The following MCTP1 variants were observed in gnomAD, a reference collection of about 807,000 sequenced individuals.
The protein encoded by MCTP1 is multiple C2 and transmembrane domain containing 1.
A neutral mutation model predicts 120.6 loss-of-function variants in MCTP1; 69 were observed. That is an observed-to-expected ratio of 0.57 (90% CI 0.47 to 0.70). The LOEUF is 0.70. Ranked by LOEUF, MCTP1 falls within the 30% of genes least tolerant of loss-of-function variation. The pLI is 0.00. For synonymous variants in MCTP1, 529 were observed against 493.1 expected, an observed-to-expected ratio of 1.07 and a Z score of -0.96; for missense variants, 1,203 against 1,248.8, an observed-to-expected ratio of 0.96 and a Z score of 0.55.
At chr5:95,080,559 A>G (rs946865920) in intron 1 of MCTP1, among the ~76,000 whole-genome samples, 4 of 152,166 alleles carry the variant, frequency 2.6e-5, no homozygotes, top group African/African-American at 9.7e-5. Flanking sequence ...AATCAAATTA[A>G]CCTTTTCTAG....
At chr5:95,265,053 G>A (rs27768) in intron 1 of MCTP1, among the ~76,000 whole-genome samples, 132,376 of 152,078 alleles carry the variant, frequency 0.87, 57,892 homozygotes, top group African/African-American at 0.96. Flanking sequence ...CCCGTCCCTG[G>A]TGCCTGGGCT....
intron 1 of MCTP1, among the ~76,000 whole-genome samples, chr5:95,158,884 G>GCAGTGAGCTGAGATCACACAT (rs1369351812): frequency 6.6e-6 from 1 of 152,064 alleles, no homozygotes; most frequent in Non-Finnish European, 1.5e-5. Flanking sequence ...TCACACCACT[G>GCAGTGAGCTGAGATCACACAT]CACTCCAGCC....
intron 1 of MCTP1, among the ~76,000 whole-genome samples, chr5:95,163,487 T>A (rs1258005561): frequency 2.0e-5 from 3 of 152,114 alleles, no homozygotes; most frequent in Admixed American, 1.3e-4. Flanking sequence ...CTGTTTCAAA[T>A]GAAAGGGGGA....
intron 1 of MCTP1, among the ~76,000 whole-genome samples, chr5:95,069,022 C>A (rs969082561): frequency 6.7e-6 from 1 of 149,872 alleles, no homozygotes; most frequent in African/African-American, 2.5e-5. Flanking sequence ...GTGCTACATA[C>A]GTAATTAAAA....
At position 94,955,160 on chromosome 5, in the gene MCTP1, A is replaced by G. The variant is rs571634834; in HGVS notation, c.839-1799T>C. Among the ~76,000 whole-genome samples, 179 of 152,250 alleles carry G rather than the reference A, an allele frequency of 1.2e-3. 1 individual carries two copies. Among genetic ancestry groups the G allele is most frequent in the Admixed American group, 2.5e-3 (38 of 15,290 alleles). On this transcript the variant is annotated intron_variant, in intron 2 of 22. Transcript: ENST00000515393. The stretch of plus-strand genomic sequence containing the variant: ...ATCACTGCCTCACCCAGGAAGTGCA[A>G]GGGTTCGGGGAACTCCTTCCCCTAC...
At chr5:95,154,653 C>A (rs965301794) in intron 1 of MCTP1, among the ~76,000 whole-genome samples, 1 of 152,076 alleles carries the variant, frequency 6.6e-6, no homozygotes, top group Non-Finnish European at 1.5e-5. Context: ...TTCTTCAATC[C>A]TATAACTGAA....
intron 17 of MCTP1, chr5:94,867,097 A>T: frequency 1.6e-6 from 1 of 610,910 alleles, no homozygotes; most frequent in Non-Finnish European, 2.4e-6. Flanking sequence ...TTTTCTCATC[A>T]ATGTAAAAGT....
chr5:95,071,284 TC>T (rs2152237487), intron 1 of MCTP1, among the ~76,000 whole-genome samples: 1 of 152,270 alleles, frequency 6.6e-6, no homozygotes, highest in African/African-American at 2.4e-5. Flanking sequence ...GGCTTCGTAG[TC>T]ACTGATTAGG....
chr5:95,223,676 G>T (rs78860980), intron 1 of MCTP1, among the ~76,000 whole-genome samples: 2,130 of 152,040 alleles, frequency 0.014, 57 homozygotes, highest in African/African-American at 0.047. Context: ...GAAAAATTAT[G>T]GCAATAATAG....
intron 1 of MCTP1, among the ~76,000 whole-genome samples, chr5:95,175,191 C>T (rs1747819822): frequency 1.3e-5 from 2 of 152,118 alleles, no homozygotes; most frequent in Non-Finnish European, 2.9e-5. Flanking sequence ...AGATTAGAAC[C>T]AATTCATTAA....
intron 17 of MCTP1, among the ~76,000 whole-genome samples, chr5:94,811,062 C>T (rs182145671): frequency 2.6e-5 from 4 of 152,248 alleles, no homozygotes; most frequent in Admixed American, 2.6e-4. Context: ...GTCTCATTCC[C>T]CCAATCCCTC....
chr5:94,723,808 C>T (rs186840520), intron 19 of MCTP1, among the ~76,000 whole-genome samples: 1 of 151,758 alleles, frequency 6.6e-6, no homozygotes, highest in African/African-American at 2.4e-5. Context: ...ATGCAAACAA[C>T]AGGCATTTTT....
intron 22 of MCTP1, among the ~76,000 whole-genome samples, chr5:94,707,875 T>G (rs1245951164): frequency 2.0e-5 from 3 of 151,880 alleles, no homozygotes; most frequent in African/African-American, 7.3e-5. Context: ...TTTTTACAAT[T>G]TATCGTGTGT....
chr5:95,117,347 C>T (rs1006368738), intron 1 of MCTP1, among the ~76,000 whole-genome samples: 8 of 134,708 alleles, frequency 5.9e-5, no homozygotes, highest in African/African-American at 1.7e-4. Context: ...GCCAAGATTG[C>T]GCCACTGCAC....
Position 95,167,903 on chromosome 5 carries a change from A to G in MCTP1, c.720+115953T>C, listed in dbSNP as rs764217509. Among the ~76,000 whole-genome samples, 394 of 152,068 alleles carry G rather than the reference A, an allele frequency of 2.6e-3. 2 individuals are homozygous for G. The highest frequency in any genetic ancestry group is 4.8e-3 in the Non-Finnish European group (323 of 67,976). On this transcript the variant is annotated intron_variant, in intron 1 of 22. Coordinates refer to ENST00000515393, the MANE Select transcript of MCTP1 (RefSeq NM_024717.7). Reference sequence around the variant, plus strand: ...TTGCAGAAGCTCTTTAGTTTAATTAAATCCCATTTGTCAATTTTGGCTTTT... The same window carrying G: ...TTGCAGAAGCTCTTTAGTTTAATTAGATCCCATTTGTCAATTTTGGCTTTT...
At chr5:95,239,130 A>T (rs1053194399) in intron 1 of MCTP1, among the ~76,000 whole-genome samples, 1 of 152,218 alleles carries the variant, frequency 6.6e-6, no homozygotes, top group Non-Finnish European at 1.5e-5. Flanking sequence ...TAGAAGAAAC[A>T]TTAAAAAGGC....
chr5:95,207,234 T>C (rs1272524461), intron 1 of MCTP1, among the ~76,000 whole-genome samples: 1 of 152,152 alleles, frequency 6.6e-6, no homozygotes, highest in Non-Finnish European at 1.5e-5. Flanking sequence ...CCCATCAAGA[T>C]ATGATCTTAA....
At chr5:94,838,448 T>G (rs1369669474) in intron 17 of MCTP1, among the ~76,000 whole-genome samples, 1 of 152,186 alleles carries the variant, frequency 6.6e-6, no homozygotes, top group Non-Finnish European at 1.5e-5. Context: ...GTGGGAGACA[T>G]GTAGAACCAA....
chr5:95,122,018 A>G lies in MCTP1; in HGVS notation c.721-104534T>C, dbSNP rs1758283398. On this transcript the variant is annotated intron_variant, in intron 1 of 22. Coordinates refer to ENST00000515393, the MANE Select transcript of MCTP1 (RefSeq NM_024717.7). ...CAAATCAAAATGAATTAAAAATTAA[A>G]TCTAAGACCTCAAACTATGAAATTA... 2.0e-5 allele frequency among the ~76,000 whole-genome samples: 3 copies of G among 152,138 alleles called. No individual in the cohort carries two copies. In the South Asian group the frequency reaches 6.2e-4, roughly 32 times the overall value.
Sources: allele counts gnomAD v4.1 joint callset (sites outside exome capture counted in the v4.1 genomes callset), GRCh38; gene constraint gnomAD v4.1.1; transcripts MANE v1.5; gene names NCBI Gene and HGNC (gene_info 2026-07-23, HGNC 2026-07-21).